Variants in TNRC18 observed in about 807,000 individuals in gnomAD.
The protein encoded by TNRC18 is trinucleotide repeat-containing gene 18 protein.
Under a neutral mutation model 226.7 loss-of-function variants are expected in TNRC18, and 69 were observed. The observed-to-expected ratio is 0.30, with a 90% confidence interval of 0.25 to 0.37. The LOEUF (loss-of-function observed/expected upper bound fraction) is 0.37, where lower values mean the gene tolerates loss of function less well. Among genes scored for constraint, TNRC18 ranks in the 10% least tolerant of loss-of-function variants. The pLI, the probability that TNRC18 is intolerant of heterozygous loss-of-function variation, is 1.00. For synonymous variants in TNRC18, 2,449 were observed against 1,927.6 expected (o/e 1.27, Z -7.09); for missense variants, 4,754 against 4,256.6 (o/e 1.12, Z -3.25).
intron 18 of TNRC18, among the ~76,000 whole-genome samples, chr7:5,336,653 GATC>G (rs1341400354): frequency 6.6e-6 from 1 of 151,934 alleles, no homozygotes; most frequent in African/African-American, 2.4e-5. Context: ...GAGGTGGGAG[GATC>G]ACCTGAGCCC....
intron 5 of TNRC18, among the ~76,000 whole-genome samples, chr7:5,378,487 C>G (rs572512690): frequency 1.8e-4 from 27 of 151,108 alleles, no homozygotes; most frequent in African/African-American, 5.8e-4. Context: ...GGCACGATCT[C>G]GGCTCACTGC....
intron 24 of TNRC18, among the ~76,000 whole-genome samples, chr7:5,318,412 A>G (rs572914714): frequency 2.6e-5 from 4 of 152,302 alleles, no homozygotes; most frequent in Admixed American, 2.6e-4. Context: ...CCATAAGTTG[A>G]ACAAAATAAG....
chr7:5,314,960 G>C, intron 26 of TNRC18, 24 bp downstream of exon 26: 1 of 1,596,394 alleles, frequency 6.3e-7, no homozygotes, highest in East Asian at 2.3e-5. Flanking sequence ...CCACCGCCCT[G>C]CCCTGGGGAC....
intron 2 of TNRC18, among the ~76,000 whole-genome samples, chr7:5,408,126 G>A (rs190592265): frequency 4.0e-5 from 6 of 151,890 alleles, no homozygotes; most frequent in African/African-American, 1.2e-4. Context: ...ATGGTGAAAC[G>A]CCGTCTCTGC....
chr7:5,370,460 G>A lies in TNRC18; in HGVS notation c.4134C>T (p.Val1378=). ...TGCCATGCAGGAAGCTCTGCTCCAAGACAAGGCTCTCGGCTGCTTCCAGCT... is the reference window on the plus strand; with the variant it reads ...TGCCATGCAGGAAGCTCTGCTCCAAAACAAGGCTCTCGGCTGCTTCCAGCT... ...LEKLEAAESL[V]LEQSFLHGIT... The change falls in exon 11 of 30, where the codon GTC becomes GTT. Residue 1378 remains valine, a synonymous_variant. Transcript: ENST00000430969. The A allele has an allele frequency of 6.4e-7, 1 of 1,573,816 alleles. No homozygotes were observed. The highest frequency in any genetic ancestry group is 8.6e-7 in the Non-Finnish European group (1 of 1,159,380).
intron 17 of TNRC18, among the ~76,000 whole-genome samples, chr7:5,347,663 T>C (rs918478667): frequency 6.6e-6 from 1 of 151,202 alleles, no homozygotes; most frequent in Non-Finnish European, 1.5e-5. Context: ...AGACCCTGTC[T>C]CAAAAATAAA....
At chr7:5,339,533 C>T (rs1057329784) in intron 18 of TNRC18, among the ~76,000 whole-genome samples, 3 of 143,542 alleles carry the variant, frequency 2.1e-5, no homozygotes, top group East Asian at 4.0e-4. Flanking sequence ...AGCTATCGTG[C>T]CCAGCCAATG....
intron 2 of TNRC18, among the ~76,000 whole-genome samples, chr7:5,418,268 A>G (rs968733428): frequency 6.6e-6 from 1 of 152,226 alleles, no homozygotes. Context: ...ACAATGTAGC[A>G]AGGCTCAAGG....
At position 5,332,725 on chromosome 7, in the gene TNRC18, A is replaced by G. The variant is rs1789668511; in HGVS notation, c.6044T>C (p.Val2015Ala). ...HDASAAAPAP[V>A]STAPATKTSR... ...GGTCTTGGTGGCGGGCGCGGTGCTG[A>G]CGGGCGCAGGTGCAGCAGCCGAGGC... The change falls in exon 19 of 30, where the codon GTC becomes GCC. Residue 2015 changes from valine (V) to alanine (A), a missense_variant. Coordinates refer to ENST00000430969, the MANE Select transcript of TNRC18 (RefSeq NM_001080495.3). The G allele has an allele frequency of 2.0e-6, 3 of 1,525,586 alleles. No homozygotes were observed. Among genetic ancestry groups the G allele is most frequent in the Admixed American group, 2.0e-5 (1 of 49,416 alleles). 94.5% of individuals were successfully genotyped at this position (1,525,586 alleles called of 1,614,324 possible).
At chr7:5,405,731 A>G (rs1781422049) in intron 2 of TNRC18, among the ~76,000 whole-genome samples, 1 of 152,146 alleles carries the variant, frequency 6.6e-6, no homozygotes, top group African/African-American at 2.4e-5. Flanking sequence ...GCAACAGAGC[A>G]AGACTCTGTC....
At position 5,313,027 on chromosome 7, in the gene TNRC18, AG is replaced by A. The variant is rs1787422616; in HGVS notation, c.7863del (p.Ser2622ProfsTer179). On this transcript the variant is annotated frameshift_variant, in exon 27 of 30. Coordinates refer to ENST00000430969, the MANE Select transcript of TNRC18 (RefSeq NM_001080495.3). LOFTEE classifies it high-confidence loss of function. ...SPASSSSSSS[S>X]SSSSSSSSSS... ...GATGAGGAGGAGGAGGAGGAGGAGGAGGAGGATGAGGAGGAGGAGGAGGAGG... is the reference window on the plus strand; with the variant it reads ...GATGAGGAGGAGGAGGAGGAGGAGGAGAGGATGAGGAGGAGGAGGAGGAGG... The A allele has an allele frequency of 1.0e-5, 9 of 868,496 alleles. No individual in the cohort carries two copies. The East Asian group carries it at 2.0e-4, about 19-fold the overall frequency. The allele number at this position is 868,496 out of a possible 1,614,324, so 53.8% of individuals were successfully genotyped here.
At chr7:5,337,163 G>A (rs977975584) in intron 18 of TNRC18, among the ~76,000 whole-genome samples, 18 of 151,760 alleles carry the variant, frequency 1.2e-4, no homozygotes, top group African/African-American at 2.4e-4. Flanking sequence ...CAAAACAATC[G>A]TCTGATTAAT....
rs570442776 is a variant in TNRC18, at chr7:5,315,720, C to T, written c.6862+236G>A. Reference sequence around the variant, plus strand: ...TACAGGCGTGAGCCACCGCACCCAGCCATTAACAATTTTTGATCAGCTTCC... The same window carrying T: ...TACAGGCGTGAGCCACCGCACCCAGTCATTAACAATTTTTGATCAGCTTCC... On this transcript the variant is annotated intron_variant, in intron 25 of 29. Coordinates refer to ENST00000430969, the MANE Select transcript of TNRC18 (RefSeq NM_001080495.3). Among the ~76,000 whole-genome samples the T allele has an allele frequency of 1.0e-3, 156 of 152,360 alleles. 1 individual carries two copies. The highest frequency in any genetic ancestry group is 3.4e-3 in the Middle Eastern group (1 of 294).
intron 2 of TNRC18, among the ~76,000 whole-genome samples, chr7:5,419,498 G>A (rs1228893437): frequency 6.6e-6 from 1 of 152,210 alleles, no homozygotes; most frequent in African/African-American, 2.4e-5. Flanking sequence ...GACTTGTGGG[G>A]AGCGCAAAAG....
intron 19 of TNRC18, among the ~76,000 whole-genome samples, chr7:5,330,204 T>A (rs1370114841): frequency 6.6e-6 from 1 of 152,094 alleles, no homozygotes; most frequent in Admixed American, 6.6e-5. Flanking sequence ...AGTGCTAGGA[T>A]TACAGGAATG....
At position 5,352,079 on chromosome 7, in the gene TNRC18, T is replaced by G; in HGVS notation, c.5210A>C (p.Glu1737Ala). 1 of 1,607,930 alleles carries G rather than the reference T, an allele frequency of 6.2e-7. No individual in the cohort carries two copies. Among genetic ancestry groups the G allele is most frequent in the Non-Finnish European group, 8.5e-7 (1 of 1,176,230 alleles). The change falls in exon 17 of 30, where the codon GAA becomes GCA. Residue 1737 changes from glutamate (E) to alanine (A), a missense_variant. Physicochemically the swap from Glu to Ala is moderately radical, Grantham distance 107 (BLOSUM62 -1). Transcript: ENST00000430969. ...CTCGTCCTTCAGGAATTCTTCGTCT[T>G]CCTCTGAGTCCGTATCTGCAGTCAA... The part of the protein sequence containing the change: ...SSYSYNTDSE[E>A]DEEFLKDEWP...
chr7:5,372,202 G>C (rs1794220265), intron 10 of TNRC18, among the ~76,000 whole-genome samples: 1 of 151,918 alleles, frequency 6.6e-6, no homozygotes, highest in Non-Finnish European at 1.5e-5. Flanking sequence ...CAAGTAGCTG[G>C]GACGACAGGC....
rs1465141480 is a variant in TNRC18 at position 5,416,238 on chromosome 7, C to T, written c.187+4822G>A. 2.0e-5 allele frequency among the ~76,000 whole-genome samples: 3 copies of T among 151,498 alleles called. No homozygotes were observed. In the East Asian group the frequency reaches 5.9e-4, roughly 30 times the overall value. ...GATCATCCCGGCTAACACGGTGAAA[C>T]CCCGTCTGTACTAAAAGTACAAAAA... On this transcript the variant is annotated intron_variant, in intron 2 of 29. Transcript: ENST00000430969.
intron 11 of TNRC18, among the ~76,000 whole-genome samples, chr7:5,364,696 T>A (rs1285638102): frequency 6.8e-6 from 1 of 147,440 alleles, no homozygotes; most frequent in Non-Finnish European, 1.5e-5. Context: ...CCCAGCTACT[T>A]GGGAGGCTGA....
Sources: gnomAD v4.1 joint callset for allele counts (sites outside exome capture counted in the v4.1 genomes callset) on GRCh38, gnomAD v4.1.1 for gene constraint, MANE v1.5 for transcripts, NCBI Gene and HGNC (gene_info 2026-07-23, HGNC 2026-07-21) for gene names.